Variants in KCNT2 observed in about 807,000 individuals in gnomAD.
KCNT2 encodes potassium channel subfamily T member 2.
KCNT2 carries 67 observed loss-of-function variants against 153.8 expected under a neutral mutation model. That is an observed-to-expected ratio of 0.44 (90% CI 0.36 to 0.53). The LOEUF (loss-of-function observed/expected upper bound fraction) is 0.53. Ranked by LOEUF, KCNT2 falls within the 20% of genes least tolerant of loss-of-function variation. The pLI is 0.00. For synonymous variants in KCNT2, 500 were observed against 458.8 expected (o/e 1.09, Z -1.15); for missense variants, 975 against 1,354.8 (o/e 0.72, Z 4.40).
At chr1:196,431,130 C>A (rs967080351) in intron 8 of KCNT2, among the ~76,000 whole-genome samples, 2 of 152,092 alleles carry the variant, frequency 1.3e-5, no homozygotes, top group African/African-American at 4.8e-5. Context: ...TCACCAGATA[C>A]CAAATCTGTG....
intron 25 of KCNT2, among the ~76,000 whole-genome samples, chr1:196,279,065 T>C (rs1415992697): frequency 6.6e-6 from 1 of 152,168 alleles, no homozygotes; most frequent in African/African-American, 2.4e-5. Context: ...CTTGGACTTC[T>C]CAGCCTTCAA....
intron 12 of KCNT2, among the ~76,000 whole-genome samples, chr1:196,401,322 C>G (rs958767879): frequency 1.3e-5 from 2 of 151,620 alleles, no homozygotes; most frequent in African/African-American, 2.4e-5. Flanking sequence ...TTATGAATTT[C>G]CAGAAAAATG....
Position 196,497,900 on chromosome 1 carries a change from G to A in KCNT2, c.96-5559C>T, listed in dbSNP as rs552216458. 1.8e-4 allele frequency among the ~76,000 whole-genome samples: 27 copies of A among 152,168 alleles called. No individual in the cohort carries two copies. The South Asian group carries it at 5.2e-3, about 29-fold the overall frequency. Reference sequence around the variant, plus strand: ...CTTTTTCAGGAGTTTTTCTTCTACAGTAATAATGATGTGATGTCTTTTTTA... The same window carrying A: ...CTTTTTCAGGAGTTTTTCTTCTACAATAATAATGATGTGATGTCTTTTTTA... On this transcript the variant is annotated intron_variant, in intron 1 of 27. Transcript: ENST00000294725.
intron 14 of KCNT2, among the ~76,000 whole-genome samples, chr1:196,372,080 C>T (rs931679998): frequency 5.4e-4 from 82 of 152,046 alleles, no homozygotes; most frequent in African/African-American, 1.9e-3. Context: ...AATCCTGTTA[C>T]ATCCTTCCTA....
chr1:196,434,755 A>G (rs1674470592), intron 8 of KCNT2, among the ~76,000 whole-genome samples: 1 of 151,926 alleles, frequency 6.6e-6, no homozygotes, highest in Admixed American at 6.6e-5. Context: ...AAATATGACA[A>G]AAGTGACATT....
chr1:196,289,662 A>G (rs750664644), intron 22 of KCNT2, among the ~76,000 whole-genome samples: 3 of 152,106 alleles, frequency 2.0e-5, no homozygotes, highest in Non-Finnish European at 4.4e-5. Context: ...GAAGAATTGT[A>G]ATGTCACAAT....
intron 18 of KCNT2, among the ~76,000 whole-genome samples, chr1:196,328,926 A>T (rs1472482246): frequency 6.6e-6 from 1 of 152,152 alleles, no homozygotes; most frequent in Non-Finnish European, 1.5e-5. Context: ...ATCTGAAGTA[A>T]TATAAGAAAT....
At chr1:196,294,717 C>A (rs1194629318) in intron 22 of KCNT2, among the ~76,000 whole-genome samples, 2 of 151,900 alleles carry the variant, frequency 1.3e-5, no homozygotes, top group African/African-American at 4.8e-5. Flanking sequence ...ATGTTCATGG[C>A]AGCCTTATTC....
chr1:196,244,555 G>T (rs76861971), intron 26 of KCNT2, among the ~76,000 whole-genome samples: 3,425 of 152,220 alleles, frequency 0.023, 119 homozygotes, highest in African/African-American at 0.078. Flanking sequence ...ATTGACGGTA[G>T]CCAGGTAGTA....
At chr1:196,489,958 T>C in intron 2 of KCNT2, 21 bp from the exon 3 acceptor site, 1 of 1,222,866 alleles carries the variant, frequency 8.2e-7, no homozygotes, top group Non-Finnish European at 1.1e-6. Context: ...ATGATAAAAG[T>C]TTGATTTTCA....
chr1:196,312,774 A>G (rs1662316667), intron 21 of KCNT2, among the ~76,000 whole-genome samples: 1 of 151,790 alleles, frequency 6.6e-6, no homozygotes, highest in African/African-American at 2.4e-5. Flanking sequence ...AATATTTTAA[A>G]GATACTATTC....
chr1:196,294,477 T>C lies in KCNT2; in HGVS notation c.2596-8719A>G, dbSNP rs916753500. 3.9e-5 allele frequency among the ~76,000 whole-genome samples: 6 copies of C among 152,174 alleles called. No homozygotes were observed. In the East Asian group the frequency reaches 9.7e-4, roughly 25 times the overall value. On this transcript the variant is annotated intron_variant, in intron 22 of 27. Transcript: ENST00000294725. Reference sequence around the variant, plus strand: ...TTTTAGTAGAGACAGGGTTTCACCATGTTGGCCAGGATGATCTCAATCTGC... The same window carrying C: ...TTTTAGTAGAGACAGGGTTTCACCACGTTGGCCAGGATGATCTCAATCTGC...
In KCNT2 at chr1:196,432,373, T is replaced by G. The variant is rs143880059; in HGVS notation, c.639-2616A>C. 5.1e-3 allele frequency among the ~76,000 whole-genome samples: 782 copies of G among 152,148 alleles called. 8 individuals are homozygous for G. Among genetic ancestry groups the G allele is most frequent in the Middle Eastern group, 0.038 (11 of 292 alleles). The stretch of plus-strand genomic sequence containing the variant: ...CATCCCTGAAACCCCAGAGCTGTAG[T>G]CAGCAGCATGAAATGCCAGTGTGGG... On this transcript the variant is annotated intron_variant, in intron 8 of 27. Transcript: ENST00000294725.
rs144643710 is a variant in KCNT2, at chr1:196,598,385, C to T, written c.95+9830G>A. Among the ~76,000 whole-genome samples, 7 of 152,212 alleles carry T rather than the reference C, an allele frequency of 4.6e-5. No individual in the cohort carries two copies. The South Asian group carries it at 1.5e-3, about 32-fold the overall frequency. On this transcript the variant is annotated intron_variant, in intron 1 of 27. Transcript: ENST00000294725. ...CATACACACACAAATAAAACCATTG[C>T]CTTAGTTTGTTTTGCTGATTTTCCA...
chr1:196,388,947 G>A (rs772183521), intron 13 of KCNT2, among the ~76,000 whole-genome samples: 2 of 151,700 alleles, frequency 1.3e-5, no homozygotes, highest in Non-Finnish European at 3.0e-5. Context: ...CAGCTTTGAC[G>A]TCTCAATATT....
chr1:196,280,908 A>T lies in KCNT2; in HGVS notation c.2862T>A (p.Val954=). 1.2e-6 allele frequency: 2 copies of T among 1,609,904 alleles called. No individual in the cohort carries two copies. The highest frequency in any genetic ancestry group is 1.7e-6 in the Non-Finnish European group (2 of 1,176,272). The change falls in exon 25 of 28, where the codon GTT becomes GTA. Residue 954 remains valine (V), a synonymous_variant. Coordinates refer to ENST00000294725, the MANE Select transcript of KCNT2 (RefSeq NM_198503.5). The part of the protein sequence containing the change: ...YQKLCSSTGD[V]PIGIYRTESQ... ...ACTCAGTCCTGTAGATTCCAATGGG[A>T]ACATCTCCAGTAGAAGAACACAACT... is the stretch of plus-strand genomic sequence containing the variant.
intron 12 of KCNT2, among the ~76,000 whole-genome samples, chr1:196,410,376 A>G (rs58760665): frequency 0.02 from 3,017 of 151,012 alleles, 92 homozygotes; most frequent in African/African-American, 0.069. Flanking sequence ...ATGAGAACAC[A>G]TGGACACAGG....
chr1:196,445,050 A>G (rs1252716326), intron 8 of KCNT2, among the ~76,000 whole-genome samples: 1 of 151,318 alleles, frequency 6.6e-6, no homozygotes. Flanking sequence ...GCTTAAATTT[A>G]TTTTACTTAT....
chr1:196,326,262 G>C (rs1339423075), intron 19 of KCNT2, among the ~76,000 whole-genome samples: 1 of 151,946 alleles, frequency 6.6e-6, no homozygotes, highest in Non-Finnish European at 1.5e-5. Flanking sequence ...TTTAACAGTG[G>C]TCCAGTCATA....
Sources: allele counts gnomAD v4.1 joint callset (sites outside exome capture counted in the v4.1 genomes callset), GRCh38; gene constraint gnomAD v4.1.1; transcripts MANE v1.5; gene names NCBI Gene and HGNC (gene_info 2026-07-23, HGNC 2026-07-21).